Variants in CSRP1 observed in about 807,000 individuals in gnomAD.
CSRP1 encodes cysteine and glycine-rich protein 1.
Under a neutral mutation model 25.4 loss-of-function variants are expected in CSRP1, and 16 were observed. That is an observed-to-expected ratio of 0.63 (90% CI 0.43 to 0.96). CSRP1 has a LOEUF of 0.96. CSRP1 is among the 40% of genes least tolerant of loss of function. The pLI is 0.00. For missense variants in CSRP1, 212 were observed against 243.6 expected (o/e 0.87, Z 0.86); for synonymous variants, 97 against 95.3 (o/e 1.02, Z -0.10).
In CSRP1 at chr1:201,484,606, G is replaced by A. The variant is rs542937648; in HGVS notation, c.*107C>T. The A allele has an allele frequency of 9.3e-7, 1 of 1,076,328 alleles. No individual in the cohort carries two copies. Among genetic ancestry groups the A allele is most frequent in the Non-Finnish European group, 1.4e-6 (1 of 732,724 alleles). 66.7% of individuals were successfully genotyped at this position (1,076,328 alleles called of 1,614,324 possible). The stretch of plus-strand genomic sequence containing the variant: ...CCCAAGTTCAAGTCATTAGTGATAT[G>A]TGGCAGGGCTGACAGAGAAATAATC... On this transcript the variant is annotated 3_prime_UTR_variant, in exon 6 of 6. Coordinates refer to ENST00000340006, the MANE Select transcript of CSRP1 (RefSeq NM_004078.3).
intron 4 of CSRP1, chr1:201,486,876 A>G: frequency 8.2e-7 from 1 of 1,223,466 alleles, no homozygotes. Flanking sequence ...GGAAATAGTG[A>G]TTCTTAGCTA....
At chr1:201,492,604 T>C (rs2102407962) in intron 2 of CSRP1, 2 of 152,036 alleles carry the variant, frequency 1.3e-5, no homozygotes, top group East Asian at 1.9e-4. Context: ...TGGTGGGCCC[T>C]TGTGATACTG....
chr1:201,503,245 A>T (rs1299274627), intron 1 of CSRP1, among the ~76,000 whole-genome samples: 1 of 152,232 alleles, frequency 6.6e-6, no homozygotes, highest in African/African-American at 2.4e-5. Context: ...ATTATAATAA[A>T]GCCTCATAGA....
At chr1:201,494,258 G>A (rs192323328) in intron 2 of CSRP1, among the ~76,000 whole-genome samples, 26 of 152,184 alleles carry the variant, frequency 1.7e-4, no homozygotes, top group Middle Eastern at 3.4e-3. Flanking sequence ...CAGGTCTGCA[G>A]GCAGGCACCC....
At chr1:201,493,046 C>T (rs939721179) in intron 2 of CSRP1, 4 of 152,406 alleles carry the variant, frequency 2.6e-5, no homozygotes, top group Non-Finnish European at 5.9e-5. Context: ...ACCCACCTTC[C>T]CCAGCAGGGA....
intron 5 of CSRP1, 25 bp from the exon 6 acceptor site, chr1:201,484,814 G>A (rs768657793): frequency 6.3e-7 from 1 of 1,599,422 alleles, no homozygotes; most frequent in Non-Finnish European, 8.5e-7. Flanking sequence ...GAGAGATAAG[G>A]GCATGTTCTT....
chr1:201,497,945 G>A (rs1443233387), intron 1 of CSRP1, among the ~76,000 whole-genome samples: 1 of 152,074 alleles, frequency 6.6e-6, no homozygotes, highest in Non-Finnish European at 1.5e-5. Flanking sequence ...GGGAGGCAGA[G>A]GTTGCAGTGA....
intron 1 of CSRP1, among the ~76,000 whole-genome samples, chr1:201,504,990 C>T (rs1664774762): frequency 6.6e-6 from 1 of 152,180 alleles, no homozygotes; most frequent in African/African-American, 2.4e-5. Flanking sequence ...ATCCCAGCTA[C>T]TTGGAAGGCT....
chr1:201,485,390 G>A lies in CSRP1; in HGVS notation c.412-14C>T. 6.2e-7 allele frequency: 1 copy of A among 1,612,926 alleles called. No individual in the cohort carries two copies. The highest frequency in any genetic ancestry group is 8.5e-7 in the Non-Finnish European group (1 of 1,178,902). Reference sequence around the variant, plus strand: ...CTTATGCCAGGACTAGGCAGGGAAGGAAATAGTTAATGGCTGCCACCAGTG... The same window carrying A: ...CTTATGCCAGGACTAGGCAGGGAAGAAAATAGTTAATGGCTGCCACCAGTG... On this transcript the variant is annotated splice_polypyrimidine_tract_variant and intron_variant, in intron 4 of 5. Coordinates refer to ENST00000340006, the MANE Select transcript of CSRP1 (RefSeq NM_004078.3).
chr1:201,501,310 A>C (rs1664664819), intron 1 of CSRP1, among the ~76,000 whole-genome samples: 1 of 152,250 alleles, frequency 6.6e-6, no homozygotes, highest in Non-Finnish European at 1.5e-5. Context: ...AAATAGGGCC[A>C]GGAACTCCTG....
chr1:201,507,043 G>A (rs1408373808), intron 1 of CSRP1, 27 bp downstream of exon 1: 1 of 152,208 alleles, frequency 6.6e-6, no homozygotes, highest in Non-Finnish European at 1.5e-5. Context: ...GCGGCGGGCA[G>A]AGCCGCGCGA....
rs577349139 is a variant in CSRP1 at position 201,487,166 on chromosome 1, C to G, written c.411+1689G>C. ...GTAGCTCACACCTGTAATCCCAGCA[C>G]TTTTGGAGGCCGAGGTGGGTGGATC... On this transcript the variant is annotated intron_variant, in intron 4 of 5. Coordinates refer to ENST00000340006, the MANE Select transcript of CSRP1 (RefSeq NM_004078.3). 15 of 373,600 alleles carry G rather than the reference C, an allele frequency of 4.0e-5. No homozygotes were observed. In the East Asian group the frequency reaches 1.4e-3, roughly 34 times the overall value. 23.1% of individuals were successfully genotyped at this position (373,600 alleles called of 1,614,324 possible). A position where few individuals can be genotyped will look rare whatever the true frequency, so the allele number is the denominator to read the frequency against.
intron 3 of CSRP1, 188 bp from the exon 4 acceptor site, chr1:201,489,172 C>G: frequency 1.7e-6 from 1 of 599,042 alleles, no homozygotes; most frequent in Non-Finnish European, 2.8e-6. Context: ...AGCCTCAGCA[C>G]AATGTTATTT....
chr1:201,505,050 A>G (rs1286760155), intron 1 of CSRP1, among the ~76,000 whole-genome samples: 2 of 152,174 alleles, frequency 1.3e-5, no homozygotes, highest in Non-Finnish European at 2.9e-5. Flanking sequence ...CAGTGAGCCA[A>G]TGTCACGCCA....
At chr1:201,494,074 T>G (rs1323864653) in intron 2 of CSRP1, among the ~76,000 whole-genome samples, 1 of 152,008 alleles carries the variant, frequency 6.6e-6, no homozygotes. Context: ...GGCTGCTCAT[T>G]GCATAACACC....
chr1:201,497,480 T>C (rs182269954), intron 1 of CSRP1, among the ~76,000 whole-genome samples: 45 of 151,542 alleles, frequency 3.0e-4, no homozygotes, highest in Non-Finnish European at 5.3e-4. Flanking sequence ...TAATGAATTA[T>C]AACCTCTGAG....
chr1:201,498,114 A>T (rs1664564500), intron 1 of CSRP1, among the ~76,000 whole-genome samples: 1 of 152,232 alleles, frequency 6.6e-6, no homozygotes, highest in Non-Finnish European at 1.5e-5. Flanking sequence ...CATATACAGC[A>T]CACAGAAGTC....
intron 2 of CSRP1, among the ~76,000 whole-genome samples, chr1:201,495,203 C>T (rs1664474084): frequency 6.6e-6 from 1 of 152,174 alleles, no homozygotes; most frequent in Non-Finnish European, 1.5e-5. Flanking sequence ...CAACGCCACC[C>T]TGGGTAATAT....
chr1:201,498,622 G>A (rs574314026), intron 1 of CSRP1, among the ~76,000 whole-genome samples: 3 of 152,332 alleles, frequency 2.0e-5, no homozygotes, highest in South Asian at 2.1e-4. Context: ...AGGGTGACAC[G>A]GGCCTCAGCT....
Sources: gnomAD v4.1 joint callset for allele counts (sites outside exome capture counted in the v4.1 genomes callset) on GRCh38, gnomAD v4.1.1 for gene constraint, MANE v1.5 for transcripts, NCBI Gene and HGNC (gene_info 2026-07-23, HGNC 2026-07-21) for gene names.